The following CTDP1 variants were observed in gnomAD, a reference collection of about 807,000 sequenced individuals.
CTDP1 encodes RNA polymerase II subunit A C-terminal domain phosphatase.
In CTDP1, 47 loss-of-function variants were observed where a neutral mutation model predicts 91.8. That is an observed-to-expected ratio of 0.51 (90% CI 0.41 to 0.65). CTDP1 has a LOEUF of 0.65. Ranked by LOEUF, CTDP1 falls within the 30% of genes least tolerant of loss-of-function variation. CTDP1 has a pLI of 0.00. For synonymous variants in CTDP1, 656 were observed against 598.5 expected (o/e 1.10, Z -1.40); for missense variants, 1,272 against 1,373.7 (o/e 0.93, Z 1.17).
intron 4 of CTDP1, among the ~76,000 whole-genome samples, chr18:79,702,068 G>A (rs561734584): frequency 7.9e-5 from 12 of 152,214 alleles, no homozygotes; most frequent in Non-Finnish European, 1.3e-4. Context: ...GTAAACCAGC[G>A]GCAGGGTCTA....
In CTDP1 at chr18:79,715,006, G is replaced by A. The variant is rs770930987; in HGVS notation, c.1546G>A (p.Glu516Lys). ...GCCTGCAGCACCGAGTCTCCCCGGAGAGGCCGAGCCTGGCGCGCATGCCCC... is the reference window on the plus strand; with the variant it reads ...GCCTGCAGCACCGAGTCTCCCCGGAAAGGCCGAGCCTGGCGCGCATGCCCC... ...GRPAAPSLPG[E>K]AEPGAHAPDK... Residue 516 changes from glutamate to lysine, a missense_variant, in exon 8 of 13, where the codon GAG (glutamate) becomes AAG (lysine). Physicochemically the swap from Glu to Lys is moderately conservative, Grantham distance 56. Around this residue, in one of 3 missense-constraint regions of CTDP1, gnomAD observed 881 missense variants for 911.6 expected, o/e 0.97. Coordinates refer to ENST00000613122, the MANE Select transcript of CTDP1 (RefSeq NM_004715.5). 2 of 1,590,544 alleles carry A rather than the reference G, an allele frequency of 1.3e-6. No individual in the cohort carries two copies. Among genetic ancestry groups the A allele is most frequent in the East Asian group, 4.5e-5 (2 of 44,046 alleles).
chr18:79,730,623 C>T (rs956090237), intron 11 of CTDP1, among the ~76,000 whole-genome samples: 6 of 152,314 alleles, frequency 3.9e-5, no homozygotes, highest in South Asian at 2.1e-4. Context: ...AGGCTGCAGC[C>T]GTGGATTGTT....
intron 4 of CTDP1, among the ~76,000 whole-genome samples, chr18:79,704,264 G>C (rs144745738): frequency 1.3e-5 from 2 of 152,222 alleles, no homozygotes; most frequent in African/African-American, 4.8e-5. Context: ...GCGGACATGC[G>C]TCCTCTGTCC....
chr18:79,714,401 G>A, intron 7 of CTDP1, 90 bp from the exon 8 acceptor site: 2 of 1,464,064 alleles, frequency 1.4e-6, no homozygotes, highest in Admixed American at 1.8e-5. Flanking sequence ...GGACTTCACA[G>A]CCATGGAGAA....
At chr18:79,727,953 T>C (rs1209825478) in intron 10 of CTDP1, among the ~76,000 whole-genome samples, 1 of 152,288 alleles carries the variant, frequency 6.6e-6, no homozygotes, top group Non-Finnish European at 1.5e-5. Context: ...TCGAGAAAGA[T>C]GTGTACAGAG....
chr18:79,690,887 G>A (rs977767590), intron 1 of CTDP1, among the ~76,000 whole-genome samples: 2 of 152,348 alleles, frequency 1.3e-5, no homozygotes, highest in Middle Eastern at 3.4e-3. Flanking sequence ...ACGTGACTCC[G>A]ACGTGGCCAG....
At chr18:79,731,602 G>A (rs753950667) in intron 11 of CTDP1, among the ~76,000 whole-genome samples, 11 of 152,166 alleles carry the variant, frequency 7.2e-5, no homozygotes, top group Admixed American at 1.3e-4. Flanking sequence ...AGGAAAACCC[G>A]TCCCCGTGTA....
At chr18:79,726,515 G>A (rs945494811) in intron 10 of CTDP1, among the ~76,000 whole-genome samples, 2 of 152,032 alleles carry the variant, frequency 1.3e-5, no homozygotes, top group African/African-American at 2.4e-5. Context: ...GGTTCTTGCT[G>A]TGGCAAGTGA....
chr18:79,719,085 C>G (rs1404790666), intron 10 of CTDP1, among the ~76,000 whole-genome samples: 2 of 152,230 alleles, frequency 1.3e-5, no homozygotes, highest in Non-Finnish European at 2.9e-5. Flanking sequence ...CCTGGGTGGA[C>G]AGGTGAGAAG....
intron 12 of CTDP1, among the ~76,000 whole-genome samples, chr18:79,744,418 A>G (rs771669498): frequency 1.3e-5 from 2 of 152,258 alleles, no homozygotes; most frequent in African/African-American, 2.4e-5. Flanking sequence ...AAGAAAACAG[A>G]AAAGGGAAGA....
rs76023025 is a variant in CTDP1, at chr18:79,712,809, G to T, written c.864-163G>T. Reference sequence around the variant, plus strand: ...CTGAAGATGTTACTGAGGTTTAAATGCGACCCAAACAGAAAGGGCTTCGGG... The same window carrying T: ...CTGAAGATGTTACTGAGGTTTAAATTCGACCCAAACAGAAAGGGCTTCGGG... On this transcript the variant is annotated intron_variant, in intron 6 of 12. Coordinates refer to ENST00000613122, the MANE Select transcript of CTDP1 (RefSeq NM_004715.5). Among the ~76,000 whole-genome samples the T allele has an allele frequency of 8.4e-3, 1,278 of 152,314 alleles. 29 individuals are homozygous for T. Among genetic ancestry groups the T allele is most frequent in the East Asian group, 0.073 (379 of 5,182 alleles).
chr18:79,740,352 G>T (rs2086751876), intron 12 of CTDP1, among the ~76,000 whole-genome samples: 1 of 152,194 alleles, frequency 6.6e-6, no homozygotes, highest in African/African-American at 2.4e-5. Flanking sequence ...TTCCTGTCCA[G>T]CTGGGTTTTT....
chr18:79,685,086 A>ACCTCGTGGTCTCTACTCCCGGTTTCTCCG (rs1568171237), intron 1 of CTDP1, among the ~76,000 whole-genome samples: 11 of 152,014 alleles, frequency 7.2e-5, no homozygotes, highest in Admixed American at 2.0e-4. Context: ...GGTGAGGAGG[A>ACCTCGTGGTCTCTACTCCCGGTTTCTCCG]CGGTGCAGAT....
intron 11 of CTDP1, among the ~76,000 whole-genome samples, chr18:79,730,773 C>T (rs544433762): frequency 6.6e-6 from 1 of 152,274 alleles, no homozygotes; most frequent in South Asian, 2.1e-4. Context: ...GCGCCAAGGA[C>T]CCGAGGCCTC....
At chr18:79,693,862 T>C (rs1250318742) in intron 1 of CTDP1, among the ~76,000 whole-genome samples, 2 of 137,354 alleles carry the variant, frequency 1.5e-5, no homozygotes, top group Non-Finnish European at 3.1e-5. Context: ...CGAGTCTCCC[T>C]GAAGGATGCA....
At position 79,754,401 on chromosome 18, in the gene CTDP1, C is replaced by T. The variant is rs11549120; in HGVS notation, c.*611C>T. Reference sequence around the variant, plus strand: ...GCAAGGGGGCGTTGCTTTTCCTGGGCGGCCTTTTATGTCTTGGAGACACCT... The same window carrying T: ...GCAAGGGGGCGTTGCTTTTCCTGGGTGGCCTTTTATGTCTTGGAGACACCT... On this transcript the variant is annotated 3_prime_UTR_variant, in exon 13 of 13. Coordinates refer to ENST00000613122, the MANE Select transcript of CTDP1 (RefSeq NM_004715.5). The T allele has an allele frequency of 4.9e-3, 764 of 155,282 alleles. 5 individuals are homozygous for T. Among genetic ancestry groups the T allele is most frequent in the African/African-American group, 0.017 (703 of 41,588 alleles). The allele number at this position is 155,282 out of a possible 1,614,324, so 9.6% of individuals were successfully genotyped here.
Position 79,715,339 on chromosome 18 carries a change from C to A in CTDP1, c.1879C>A (p.Pro627Thr). The change falls in exon 8 of 13, where the codon CCG (proline) becomes ACG (threonine). Residue 627 changes from proline to threonine, a missense_variant. Physicochemically the swap from Pro to Thr is conservative, Grantham distance 38. This residue lies in a region of CTDP1 where 881 missense variants were observed against 911.6 expected (regional missense o/e 0.97). Coordinates refer to ENST00000613122, the MANE Select transcript of CTDP1 (RefSeq NM_004715.5). Reference sequence around the variant, plus strand: ...GGCGCCGGACATCCGCAAGATCGTGCCGGAGCTCAAGAGCAAGGTGCTGGC... The same window carrying A: ...GGCGCCGGACATCCGCAAGATCGTGACGGAGCTCAAGAGCAAGGTGCTGGC... ...EEAPDIRKIVPELKSKVLADV... is the reference protein window; with the variant it reads ...EEAPDIRKIVTELKSKVLADV... The A allele has an allele frequency of 6.2e-7, 1 of 1,608,752 alleles. No homozygotes were observed. The highest frequency in any genetic ancestry group is 8.5e-7 in the Non-Finnish European group (1 of 1,177,484).
chr18:79,746,218 TCCCTCCCGTGCGCGTTCTGACCCC>T (rs2086875091), intron 12 of CTDP1, among the ~76,000 whole-genome samples: 1 of 38,074 alleles, frequency 2.6e-5, no homozygotes, highest in African/African-American at 1.1e-4. Flanking sequence ...TGTCCCCGCG[TCCCTCCCGTGCGCGTTCTGACCCC>T]GCGTCCCTCC....
At chr18:79,681,591 C>T (rs984560131) in intron 1 of CTDP1, 1 of 600,582 alleles carries the variant, frequency 1.7e-6, no homozygotes, top group African/African-American at 2.0e-5. Flanking sequence ...AAAACCAACC[C>T]AGTGCATCAG....
Sources: gnomAD v4.1 joint callset for allele counts (sites outside exome capture counted in the v4.1 genomes callset) on GRCh38, gnomAD v4.1.1 for gene constraint, gnomAD v4.1.1 regional missense constraint, MANE v1.5 for transcripts, NCBI Gene and HGNC (gene_info 2026-07-23, HGNC 2026-07-21) for gene names.